Variants in SLFN12L observed in about 807,000 individuals in gnomAD.
SLFN12L encodes the protein schlafen family member 12-like.
In SLFN12L, 34 loss-of-function variants were observed where a neutral mutation model predicts 34.8. That is an observed-to-expected ratio of 0.98 (90% CI 0.74 to 1.30). SLFN12L has a LOEUF of 1.30. Ranked by LOEUF, SLFN12L falls within the 50% of genes most tolerant of loss-of-function variation. SLFN12L has a pLI of 0.00. For missense variants in SLFN12L, 703 were observed against 696.2 expected (o/e 1.01, Z -0.11); for synonymous variants, 259 against 247.5 (o/e 1.05, Z -0.44).
Position 35,466,059 on chromosome 17 carries a change from C to G in SLFN12L, c.*8864G>C, listed in dbSNP as rs1435066207. On this transcript the variant is annotated 3_prime_UTR_variant, in exon 5 of 5. Transcript: ENST00000628453. ...AAAGTACAAAGATTTTCCATATACC[C>G]ACTGCCCGCACTCATGCATAGCCTC... 1.3e-5 allele frequency among the ~76,000 whole-genome samples: 2 copies of G among 152,056 alleles called. No individual in the cohort carries two copies. The highest frequency in any genetic ancestry group is 4.8e-5 in the African/African-American group (2 of 41,368).
At chr17:35,523,490 G>A (rs1257255767) in intron 1 of SLFN12L, among the ~76,000 whole-genome samples, 1 of 152,138 alleles carries the variant, frequency 6.6e-6, no homozygotes, top group Non-Finnish European at 1.5e-5. Context: ...CCTCAACTAG[G>A]AGACCCTTGA....
chr17:35,502,112 G>GA (rs1003797510), intron 2 of SLFN12L, among the ~76,000 whole-genome samples: 276 of 149,502 alleles, frequency 1.8e-3, no homozygotes, highest in African/African-American at 6.3e-3. Flanking sequence ...AAGTAGTTAA[G>GA]AAAAAAAAAG....
At chr17:35,497,944 G>A (rs974314080) in intron 2 of SLFN12L, among the ~76,000 whole-genome samples, 1 of 152,194 alleles carries the variant, frequency 6.6e-6, no homozygotes, top group African/African-American at 2.4e-5. Flanking sequence ...CAGCACTTTG[G>A]GAGGCCAAGG....
In SLFN12L at chr17:35,475,240, C is replaced by A; in HGVS notation, c.1522G>T (p.Glu508Ter). 6.2e-7 allele frequency: 1 copy of A among 1,614,162 alleles called. No homozygotes were observed. Among genetic ancestry groups the A allele is most frequent in the Non-Finnish European group, 8.5e-7 (1 of 1,180,040 alleles). ...LYTFHMVQDEEFKDYSTQTAQ... is the reference protein window; with the variant it reads ...LYTFHMVQDE Reference sequence around the variant, plus strand: ...GTTTGTGTAGAATAGTCTTTAAACTCCTCATCCTGTACCATGTGGAAGGTG... The same window carrying A: ...GTTTGTGTAGAATAGTCTTTAAACTACTCATCCTGTACCATGTGGAAGGTG... Residue 508 changes from glutamate to a stop codon, truncating the protein, a stop_gained, in exon 5 of 5, where the codon GAG becomes TAG. Transcript: ENST00000628453. LOFTEE classifies it low-confidence loss of function (END_TRUNC).
intron 1 of SLFN12L, among the ~76,000 whole-genome samples, chr17:35,530,362 AAAGGAAGGAAGGAAGG>A (rs1216705890): frequency 9.4e-5 from 8 of 85,010 alleles, no homozygotes; most frequent in African/African-American, 3.7e-4. Flanking sequence ...AAAGAGAAAG[AAAGGAAGGAAGGAAGG>A]AAGGAAGGAA....
At chr17:35,531,818 A>G (rs1021576711) in intron 1 of SLFN12L, among the ~76,000 whole-genome samples, 3 of 151,978 alleles carry the variant, frequency 2.0e-5, no homozygotes, top group African/African-American at 4.8e-5. Flanking sequence ...TTTTTTTAAT[A>G]GAGATGGGGT....
At position 35,479,384 on chromosome 17, in the gene SLFN12L, T is replaced by C; in HGVS notation, c.898A>G (p.Thr300Ala). 6.2e-7 allele frequency: 1 copy of C among 1,606,996 alleles called. No individual in the cohort carries two copies. The highest frequency in any genetic ancestry group is 8.5e-7 in the Non-Finnish European group (1 of 1,175,776). The change falls in exon 3 of 5, where the codon ACT becomes GCT. Residue 300 changes from threonine (T) to alanine (A), a missense_variant. Physicochemically the swap from Thr to Ala is moderately conservative, Grantham distance 58. Coordinates refer to ENST00000628453, the MANE Select transcript of SLFN12L (RefSeq NM_001363830.2). ...IGFKAEKSYL[T>A]KLEEVTKNSI... ...TTTTTTGTTACTTCTTCTAACTTAGTAAGATAACTCTTCTCTGCTTTAAAG... is the reference window on the plus strand; with the variant it reads ...TTTTTTGTTACTTCTTCTAACTTAGCAAGATAACTCTTCTCTGCTTTAAAG...
At position 35,475,500 on chromosome 17, in the gene SLFN12L, A is replaced by C. The variant is rs781679523; in HGVS notation, c.1277-15T>G. 3 of 1,556,502 alleles carry C rather than the reference A, an allele frequency of 1.9e-6. No homozygotes were observed. The South Asian group carries it at 3.7e-5, about 19-fold the overall frequency. ...TTCTGATAGCCCTAGATGGGGAAAT[A>C]ATGATAAATTATAAAAGACTGAGAA... On this transcript the variant is annotated splice_polypyrimidine_tract_variant and intron_variant, in intron 4 of 4. Coordinates refer to ENST00000628453, the MANE Select transcript of SLFN12L (RefSeq NM_001363830.2).
At chr17:35,490,120 C>CG in intron 2 of SLFN12L, 1 of 1,606,148 alleles carries the variant, frequency 6.2e-7, no homozygotes, top group Non-Finnish European at 8.5e-7. Flanking sequence ...AGCAGACCGC[C>CG]GGCAACCTCC....
At chr17:35,478,245 A>C in intron 3 of SLFN12L, 60 bp from the exon 4 acceptor site, 1 of 1,085,848 alleles carries the variant, frequency 9.2e-7, no homozygotes, top group Non-Finnish European at 1.4e-6. Flanking sequence ...GAGAGACTCA[A>C]GCTAACTAAT....
chr17:35,501,414 G>A (rs569186140), intron 2 of SLFN12L, among the ~76,000 whole-genome samples: 12 of 152,268 alleles, frequency 7.9e-5, no homozygotes, highest in East Asian at 3.9e-4. Flanking sequence ...TGCCTGTACC[G>A]GCACTTTGGT....
Position 35,508,131 on chromosome 17 carries a change from G to A in SLFN12L, c.86+14148C>T, listed in dbSNP as rs191709974. Among the ~76,000 whole-genome samples, 14 of 152,238 alleles carry A rather than the reference G, an allele frequency of 9.2e-5. No homozygotes were observed. In the East Asian group the frequency reaches 1.7e-3, roughly 19 times the overall value. On this transcript the variant is annotated intron_variant, in intron 2 of 4. Transcript: ENST00000628453. ...GAAAATCCCTGTCCTGTTCTGTTCC[G>A]TTCTGATTACTGGTGCATGCAGCCC...
intron 2 of SLFN12L, among the ~76,000 whole-genome samples, chr17:35,482,660 C>T (rs1914392737): frequency 6.6e-6 from 1 of 152,216 alleles, no homozygotes; most frequent in African/African-American, 2.4e-5. Flanking sequence ...CTCCCACTGC[C>T]TGGCTTCTCC....
chr17:35,495,295 A>T (rs1007321763), intron 2 of SLFN12L, among the ~76,000 whole-genome samples: 7 of 151,760 alleles, frequency 4.6e-5, no homozygotes, highest in African/African-American at 1.5e-4. Context: ...CAAGTGCTTC[A>T]CTCTCCTTAA....
At chr17:35,504,476 G>A (rs1224095608) in intron 2 of SLFN12L, among the ~76,000 whole-genome samples, 1 of 152,232 alleles carries the variant, frequency 6.6e-6, no homozygotes, top group African/African-American at 2.4e-5. Flanking sequence ...GGTTGAAATG[G>A]ATCAAATATT....
In SLFN12L at chr17:35,490,075, C is replaced by A. The variant is rs569646035; in HGVS notation, c.87-9880G>T. On this transcript the variant is annotated intron_variant, in intron 2 of 4. Transcript: ENST00000628453. ...TCTCCCTCCAAAGCGGCGCCGTAGCCACCGGCCCCCTCCTCCCCAGTGCCC... is the reference window on the plus strand; with the variant it reads ...TCTCCCTCCAAAGCGGCGCCGTAGCAACCGGCCCCCTCCTCCCCAGTGCCC... The A allele has an allele frequency of 4.1e-5, 66 of 1,606,936 alleles. No homozygotes were observed. In the East Asian group the frequency reaches 1.2e-3, roughly 29 times the overall value.
chr17:35,494,990 C>A (rs1914994073), intron 2 of SLFN12L, among the ~76,000 whole-genome samples: 1 of 151,962 alleles, frequency 6.6e-6, no homozygotes, highest in African/African-American at 2.4e-5. Flanking sequence ...AAGGCAACCT[C>A]CACCACCCAG....
rs1237598203 is a variant in SLFN12L, at chr17:35,469,500, T to C, written c.*5423A>G. Among the ~76,000 whole-genome samples the C allele has an allele frequency of 6.6e-6, 1 of 151,670 alleles. No individual in the cohort carries two copies. The highest frequency in any genetic ancestry group is 1.5e-5 in the Non-Finnish European group (1 of 67,936). On this transcript the variant is annotated 3_prime_UTR_variant, in exon 5 of 5. Coordinates refer to ENST00000628453, the MANE Select transcript of SLFN12L (RefSeq NM_001363830.2). ...TACAAGGGCTCTTTATACTTCCACA[T>C]TGTTCTTCTATCTTACTCTTACAAT...
chr17:35,487,789 C>G (rs900753659), intron 2 of SLFN12L: 1 of 1,532,872 alleles, frequency 6.5e-7, no homozygotes, highest in Admixed American at 2.0e-5. Context: ...TTTCCACTTT[C>G]CTGCTCTCCG....
Sources: gnomAD v4.1 joint callset for allele counts (sites outside exome capture counted in the v4.1 genomes callset) on GRCh38, gnomAD v4.1.1 for gene constraint, MANE v1.5 for transcripts, NCBI Gene and HGNC (gene_info 2026-07-23, HGNC 2026-07-21) for gene names.